The following CDC42BPA variants were observed in gnomAD, a reference collection of about 807,000 sequenced individuals.
The protein encoded by CDC42BPA is serine/threonine-protein kinase MRCK alpha.
A neutral mutation model predicts 223.5 loss-of-function variants in CDC42BPA; 80 were observed. That is an observed-to-expected ratio of 0.36 (90% confidence interval 0.30 to 0.43). The LOEUF (loss-of-function observed/expected upper bound fraction) is 0.43. Ranked by LOEUF, CDC42BPA falls within the 20% of genes least tolerant of loss-of-function variation. The pLI, the probability that CDC42BPA is intolerant of heterozygous loss-of-function variation, is 1.00. For missense variants in CDC42BPA, 1,743 were observed against 2,099.9 expected (o/e 0.83, Z 3.32); for synonymous variants, 694 against 718.6 (o/e 0.97, Z 0.55).
chr1:227,108,275 G>A (rs1572856424), intron 14 of CDC42BPA, among the ~76,000 whole-genome samples: 2 of 152,038 alleles, frequency 1.3e-5, no homozygotes, highest in East Asian at 3.8e-4. Context: ...TGCCTTTATG[G>A]CATCTGTAAG....
At chr1:227,142,625 T>TTC in intron 9 of CDC42BPA, among the ~76,000 whole-genome samples, 1 of 58,752 alleles carries the variant, frequency 1.7e-5, no homozygotes, top group East Asian at 3.8e-4. Flanking sequence ...CTATGTTAAC[T>TTC]TTTTTTTTTT....
intron 3 of CDC42BPA, among the ~76,000 whole-genome samples, chr1:227,210,199 T>C (rs569123237): frequency 2.0e-5 from 3 of 152,326 alleles, no homozygotes; most frequent in Admixed American, 6.5e-5. Flanking sequence ...CATGTGTCTT[T>C]ATAGCAGCAT....
intron 5 of CDC42BPA, among the ~76,000 whole-genome samples, chr1:227,162,488 A>G (rs1039835528): frequency 9.9e-5 from 15 of 152,166 alleles, no homozygotes; most frequent in Admixed American, 1.3e-4. Context: ...AATGACACCA[A>G]ACTGTGCATT....
At position 227,101,150 on chromosome 1, in the gene CDC42BPA, A is replaced by G. The variant is rs1394987849; in HGVS notation, c.2091T>C (p.Ser697=). 7.6e-6 allele frequency: 12 copies of G among 1,583,504 alleles called. No individual in the cohort carries two copies. The highest frequency in any genetic ancestry group is 1.0e-5 in the Non-Finnish European group (12 of 1,153,104). Residue 697 remains serine (S), a synonymous_variant, in exon 15 of 37, where the codon AGT becomes AGC. Transcript: ENST00000366766. Reference sequence around the variant, plus strand: ...TAGATAATTCTTCTTCATAAAAGATACTTTTCTTTTCCAAATCAGTCTTTA... The same window carrying G: ...TAGATAATTCTTCTTCATAAAAGATGCTTTTCTTTTCCAAATCAGTCTTTA... ...TKLKTDLEKK[S]IFYEEELSKR...
intron 15 of CDC42BPA, among the ~76,000 whole-genome samples, chr1:227,099,032 T>C (rs1339666680): frequency 6.6e-6 from 1 of 152,116 alleles, no homozygotes; most frequent in Non-Finnish European, 1.5e-5. Context: ...ACCTGTGATA[T>C]TGTAACTGTT....
At position 227,033,940 on chromosome 1, in the gene CDC42BPA, T is replaced by C. The variant is rs146064518; in HGVS notation, c.3477-525A>G. Among the ~76,000 whole-genome samples, 10 of 152,318 alleles carry C rather than the reference T, an allele frequency of 6.6e-5. No individual in the cohort carries two copies. In the East Asian group the frequency reaches 1.9e-3, roughly 29 times the overall value. ...TATCTATATTCAGTCCCTTAGTAGG[T>C]TCTATCAGATTTTTCTTGCCAATAT... On this transcript the variant is annotated intron_variant, in intron 26 of 36. Coordinates refer to ENST00000366766, the MANE Select transcript of CDC42BPA (RefSeq NM_001394014.1).
chr1:227,077,834 G>A (rs2149110187), intron 17 of CDC42BPA, among the ~76,000 whole-genome samples: 1 of 152,042 alleles, frequency 6.6e-6, no homozygotes, highest in South Asian at 2.1e-4. Context: ...TCACAATTCA[G>A]GAATACTAAT....
chr1:227,151,693 TTG>T (rs1173066977), intron 6 of CDC42BPA, among the ~76,000 whole-genome samples: 4 of 152,036 alleles, frequency 2.6e-5, no homozygotes, highest in African/African-American at 9.7e-5. Flanking sequence ...CCCTGTGGTT[TTG>T]TGTTTCTCTA....
At chr1:227,108,886 T>C (rs482032) in intron 14 of CDC42BPA, among the ~76,000 whole-genome samples, 1 of 152,124 alleles carries the variant, frequency 6.6e-6, no homozygotes, top group Admixed American at 6.5e-5. Flanking sequence ...CTAGGCTATA[T>C]GGTATAGCCT....
At chr1:227,142,888 G>T in intron 9 of CDC42BPA, 57 bp downstream of exon 9, 2 of 1,200,654 alleles carry the variant, frequency 1.7e-6, no homozygotes, top group Non-Finnish European at 2.3e-6. Context: ...AAAGTGTTGG[G>T]ATTACAGGCG....
At chr1:227,277,046 C>G (rs1368696050) in intron 1 of CDC42BPA, among the ~76,000 whole-genome samples, 4 of 149,426 alleles carry the variant, frequency 2.7e-5, no homozygotes, top group African/African-American at 5.0e-5. Flanking sequence ...ATCCCCCTCT[C>G]CGAGAAACAC....
chr1:227,112,563 A>G (rs1687108627), intron 13 of CDC42BPA, 108 bp downstream of exon 13: 10 of 978,336 alleles, frequency 1.0e-5, no homozygotes, highest in Non-Finnish European at 1.4e-5. Context: ...AATGAACTAT[A>G]AAAATAACTT....
rs574689114 is a variant in CDC42BPA, at chr1:227,113,991, T to A, written c.1648-1078A>T. On this transcript the variant is annotated intron_variant, in intron 12 of 36. Coordinates refer to ENST00000366766, the MANE Select transcript of CDC42BPA (RefSeq NM_001394014.1). The stretch of plus-strand genomic sequence containing the variant: ...TGAGATCACTCCATTGCACTCTAGC[T>A]TGGGCAATACAGTGAGACTCCAACT... Among the ~76,000 whole-genome samples, 580 of 133,448 alleles carry A rather than the reference T, an allele frequency of 4.3e-3. 3 individuals carry two copies. The highest frequency in any genetic ancestry group is 0.016 in the African/African-American group (557 of 33,862). 87.5% of individuals were successfully genotyped at this position (133,448 alleles called of 152,430 possible).
At chr1:227,253,077 T>C (rs1276821144) in intron 2 of CDC42BPA, among the ~76,000 whole-genome samples, 1 of 152,152 alleles carries the variant, frequency 6.6e-6, no homozygotes, top group Non-Finnish European at 1.5e-5. Flanking sequence ...TGGAAGAATA[T>C]ACCACGTCTA....
chr1:227,305,466 G>A (rs979038256), intron 1 of CDC42BPA, among the ~76,000 whole-genome samples: 1 of 152,112 alleles, frequency 6.6e-6, no homozygotes, highest in African/African-American at 2.4e-5. Flanking sequence ...ATTTCTTGTT[G>A]TTTACTCTTT....
chr1:227,255,348 G>C (rs1025790249), intron 1 of CDC42BPA, among the ~76,000 whole-genome samples: 3 of 152,304 alleles, frequency 2.0e-5, no homozygotes, highest in Non-Finnish European at 2.9e-5. Context: ...TGATCTAAAA[G>C]TATGCATTTA....
At chr1:227,287,924 C>T (rs1689063603) in intron 1 of CDC42BPA, among the ~76,000 whole-genome samples, 2 of 152,152 alleles carry the variant, frequency 1.3e-5, no homozygotes, top group South Asian at 2.1e-4. Context: ...CATTAAAATT[C>T]ATTACTGAGG....
At chr1:227,185,734 A>C (rs1668663875) in intron 5 of CDC42BPA, among the ~76,000 whole-genome samples, 3 of 130,250 alleles carry the variant, frequency 2.3e-5, no homozygotes, top group Admixed American at 8.0e-5. Context: ...CCTTAAAACT[A>C]CTCCACGTGT....
chr1:227,298,489 AG>A (rs1439465715), intron 1 of CDC42BPA, among the ~76,000 whole-genome samples: 1 of 152,084 alleles, frequency 6.6e-6, no homozygotes, highest in Non-Finnish European at 1.5e-5. Flanking sequence ...AAAATTAAGG[AG>A]GGCATGGAAA....
Sources: gnomAD v4.1 joint callset for allele counts (sites outside exome capture counted in the v4.1 genomes callset) on GRCh38, gnomAD v4.1.1 for gene constraint, MANE v1.5 for transcripts, NCBI Gene and HGNC (gene_info 2026-07-23, HGNC 2026-07-21) for gene names.